Variants in SNX4 observed in about 807,000 individuals in gnomAD.
The protein encoded by SNX4 is sorting nexin 4.
SNX4 carries 49 observed loss-of-function variants against 70.8 expected under a neutral mutation model. The observed-to-expected ratio is 0.69, with a 90% CI of 0.55 to 0.88. SNX4 has a LOEUF of 0.88. Among genes scored for constraint, SNX4 ranks in the 40% least tolerant of loss-of-function variants. The pLI, the probability that SNX4 is intolerant of heterozygous loss-of-function variation, is 0.00. For synonymous variants in SNX4, 206 were observed against 183.8 expected, an observed-to-expected ratio of 1.12 and a Z score of -0.98; for missense variants, 528 against 544.8, an observed-to-expected ratio of 0.97 and a Z score of 0.31.
Position 125,476,756 on chromosome 3 carries a change from T to C in SNX4, c.727A>G (p.Arg243Gly). 1 of 1,573,318 alleles carries C rather than the reference T, an allele frequency of 6.4e-7. No homozygotes were observed. The highest frequency in any genetic ancestry group is 8.7e-7 in the Non-Finnish European group (1 of 1,151,606). ...VISHLLRVRA[R>G]VADRLYGVYK... Reference sequence around the variant, plus strand: ...ACACCATAGAGTCGATCTGCTACTCTCTGAAATAAATATTTAATAGAAATT... The same window carrying C: ...ACACCATAGAGTCGATCTGCTACTCCCTGAAATAAATATTTAATAGAAATT... The change falls in exon 8 of 14, where the codon AGA becomes GGA. Residue 243 changes from arginine (R) to glycine (G), a missense_variant and splice_region_variant. This residue lies in a region of SNX4 where 341 missense variants were observed against 312.2 expected (regional missense o/e 1.09). Coordinates refer to ENST00000251775, the MANE Select transcript of SNX4 (RefSeq NM_003794.4).
chr3:125,491,933 C>T (rs1241764352), intron 5 of SNX4, among the ~76,000 whole-genome samples: 1 of 151,636 alleles, frequency 6.6e-6, no homozygotes, highest in Non-Finnish European at 1.5e-5. Flanking sequence ...ATGGCGAAAC[C>T]CTGTCTCTAC....
chr3:125,457,323 C>T lies in SNX4; in HGVS notation c.987G>A (p.Glu329=), dbSNP rs763437032. Residue 329 remains glutamate, a synonymous_variant, in exon 11 of 14, where the codon GAG becomes GAA. Transcript: ENST00000251775. ...TGGATGCTAAGTCCTGAGCAGCCATCTCCAAGTCATACTGCATAAGTTCAT... is the reference window on the plus strand; with the variant it reads ...TGGATGCTAAGTCCTGAGCAGCCATTTCCAAGTCATACTGCATAAGTTCAT... The part of the protein sequence containing the change: ...RKHELMQYDL[E]MAAQDLASKK... The T allele has an allele frequency of 3.7e-6, 6 of 1,613,982 alleles. No homozygotes were observed. Among genetic ancestry groups the T allele is most frequent in the South Asian group, 3.3e-5 (3 of 91,088 alleles).
chr3:125,513,567 G>C (rs1215678237), intron 1 of SNX4, among the ~76,000 whole-genome samples: 1 of 152,106 alleles, frequency 6.6e-6, no homozygotes, highest in South Asian at 2.1e-4. Flanking sequence ...CATGCTAAAT[G>C]TACAAACACT....
chr3:125,500,034 T>A (rs1000190564), intron 2 of SNX4, among the ~76,000 whole-genome samples: 2 of 151,224 alleles, frequency 1.3e-5, no homozygotes, highest in African/African-American at 4.9e-5. Context: ...CACTCCAGCC[T>A]GGGCAACAAG....
intron 1 of SNX4, 130 bp downstream of exon 1, chr3:125,519,902 C>G: frequency 2.4e-6 from 2 of 821,050 alleles, no homozygotes; most frequent in Non-Finnish European, 3.5e-6. Context: ...CCACCTCGCT[C>G]CCCCTCACTG....
intron 1 of SNX4, among the ~76,000 whole-genome samples, chr3:125,517,787 C>A (rs926545019): frequency 2.6e-5 from 4 of 151,592 alleles, no homozygotes; most frequent in African/African-American, 7.3e-5. Context: ...ACCAGCCTGG[C>A]GAACATGATG....
At chr3:125,506,206 C>CA (rs576523765) in intron 1 of SNX4, among the ~76,000 whole-genome samples, 46 of 151,514 alleles carry the variant, frequency 3.0e-4, no homozygotes, top group Admixed American at 7.9e-4. Context: ...TCAACAACAA[C>CA]AAAAAAAATC....
chr3:125,515,537 T>C (rs1453310441), intron 1 of SNX4, among the ~76,000 whole-genome samples: 4 of 150,704 alleles, frequency 2.7e-5, no homozygotes, highest in Non-Finnish European at 4.4e-5. Flanking sequence ...TTGTGGTGTA[T>C]GCCTGTAGTT....
chr3:125,467,787 T>C (rs1403098340), intron 9 of SNX4, among the ~76,000 whole-genome samples: 11 of 152,252 alleles, frequency 7.2e-5, no homozygotes, highest in Non-Finnish European at 1.3e-4. Context: ...CACACTGCTG[T>C]TGGGAAAGTA....
At chr3:125,507,185 G>A (rs1236647001) in intron 1 of SNX4, among the ~76,000 whole-genome samples, 1 of 133,062 alleles carries the variant, frequency 7.5e-6, no homozygotes, top group Non-Finnish European at 1.6e-5. Context: ...TCCAGCCTGG[G>A]TGATAGAAAA....
intron 1 of SNX4, among the ~76,000 whole-genome samples, chr3:125,517,654 T>C (rs551776752): frequency 2.0e-5 from 3 of 152,366 alleles, no homozygotes; most frequent in South Asian, 2.1e-4. Context: ...TGCCTCTTTA[T>C]GAATTACTAA....
intron 12 of SNX4, among the ~76,000 whole-genome samples, chr3:125,453,363 A>G (rs1284265310): frequency 6.6e-6 from 1 of 152,294 alleles, no homozygotes; most frequent in Admixed American, 6.5e-5. Context: ...TGGTGGAGGG[A>G]AAGTACAAAG....
chr3:125,467,322 G>A (rs1193919618), intron 9 of SNX4, among the ~76,000 whole-genome samples: 1 of 152,054 alleles, frequency 6.6e-6, no homozygotes, highest in South Asian at 2.1e-4. Context: ...GGGAGGCAGA[G>A]GTTGCAGTGA....
At chr3:125,458,640 C>A (rs1205872858) in intron 10 of SNX4, among the ~76,000 whole-genome samples, 1 of 149,908 alleles carries the variant, frequency 6.7e-6, no homozygotes, top group African/African-American at 2.5e-5. Context: ...CACGGTGAAA[C>A]CCCGTCTCTA....
chr3:125,490,372 A>G (rs1034805463), intron 5 of SNX4, among the ~76,000 whole-genome samples: 6 of 151,400 alleles, frequency 4.0e-5, no homozygotes, highest in Admixed American at 4.0e-4. Flanking sequence ...AATACAAAAA[A>G]TTAGCCAGGC....
intron 1 of SNX4, among the ~76,000 whole-genome samples, chr3:125,505,337 G>C (rs1041545841): frequency 3.3e-5 from 5 of 152,178 alleles, no homozygotes; most frequent in African/African-American, 1.2e-4. Flanking sequence ...ATTCTGGGAG[G>C]ATAGTGGAGT....
intron 4 of SNX4, 114 bp from the exon 5 acceptor site, chr3:125,497,502 T>C: frequency 1.4e-6 from 1 of 738,204 alleles, no homozygotes; most frequent in Non-Finnish European, 2.3e-6. Flanking sequence ...AGAGAGAAGT[T>C]TAAAAAAATT....
chr3:125,472,592 C>G (rs934950663), intron 8 of SNX4, among the ~76,000 whole-genome samples: 3 of 152,124 alleles, frequency 2.0e-5, no homozygotes, highest in Admixed American at 6.5e-5. Context: ...AAAACTCAAG[C>G]CTTCAGAGAG....
chr3:125,496,284 ACT>A (rs762002521), intron 5 of SNX4, among the ~76,000 whole-genome samples: 20 of 152,150 alleles, frequency 1.3e-4, no homozygotes, highest in Admixed American at 2.6e-4. Flanking sequence ...ACAGAGCAAG[ACT>A]CTGTCTCAAA....
Sources: gnomAD v4.1 joint callset for allele counts (sites outside exome capture counted in the v4.1 genomes callset) on GRCh38, gnomAD v4.1.1 for gene constraint, gnomAD v4.1.1 regional missense constraint, MANE v1.5 for transcripts, NCBI Gene and HGNC (gene_info 2026-07-23, HGNC 2026-07-21) for gene names.